The following CARNS1 variants were observed in gnomAD, a reference collection of about 807,000 sequenced individuals.
The protein encoded by CARNS1 is ATP-grasp domain containing 1.
A neutral mutation model predicts 74.0 loss-of-function variants in CARNS1; 61 were observed. That is an observed-to-expected ratio of 0.82 (90% CI 0.67 to 1.02). The LOEUF (loss-of-function observed/expected upper bound fraction) is 1.02. Ranked by LOEUF, CARNS1 falls within the 50% of genes least tolerant of loss-of-function variation. The pLI, the probability that CARNS1 is intolerant of heterozygous loss-of-function variation, is 0.00. For missense variants in CARNS1, 1,278 were observed against 1,308.4 expected (o/e 0.98, Z 0.36); for synonymous variants, 568 against 605.5 (o/e 0.94, Z 0.91).
chr11:67,416,347 C>G (rs1221600480), intron 2 of CARNS1, 145 bp downstream of exon 2: 1 of 1,470,644 alleles, frequency 6.8e-7, no homozygotes, highest in African/African-American at 1.4e-5. Context: ...CCCCCACCCC[C>G]ACCCTGCGGC....
At position 67,424,428 on chromosome 11, in the gene CARNS1, A is replaced by G; in HGVS notation, c.2680A>G (p.Asn894Asp). ...GCACGACCGTGGACTGCTACGCCTC[A>G]ATCTGCTGGAGGAGGCCCTGGTGCC... ...ALHDRGLLRL[N>D]LLEEALVPGE... The change falls in exon 10 of 10, where the codon AAT becomes GAT. Residue 894 changes from asparagine (N) to aspartate (D), a missense_variant. By Grantham distance (23) the Asn-to-Asp change is conservative (BLOSUM62 1). Around this residue, in one of 3 missense-constraint regions of CARNS1, gnomAD observed 1,164 missense variants for 1,156.5 expected, o/e 1.01. Coordinates refer to ENST00000687366, the MANE Select transcript of CARNS1 (RefSeq NM_001166222.2). 6.3e-7 allele frequency: 1 copy of G among 1,588,616 alleles called. No individual in the cohort carries two copies. The highest frequency in any genetic ancestry group is 1.3e-5 in the African/African-American group (1 of 74,462).
At chr11:67,416,284 G>C in intron 2 of CARNS1, 82 bp downstream of exon 2, 2 of 1,535,874 alleles carry the variant, frequency 1.3e-6, no homozygotes, top group South Asian at 1.2e-5. Context: ...GCAGCACCTA[G>C]GACCTAAGCC....
Position 67,418,823 on chromosome 11 carries a change from G to A in CARNS1, c.432G>A (p.Glu144=), listed in dbSNP as rs1226139195. The change falls in exon 5 of 10, where the codon GAG becomes GAA. Residue 144 remains glutamate (E), a synonymous_variant. Coordinates refer to ENST00000687366, the MANE Select transcript of CARNS1 (RefSeq NM_001166222.2). ...TGCCAGCACCCGGGCAGCCGGGTGA[G>A]GCAGCCCTGCTAGTCTCCAAGGCTG... ...MKVPAPGQPG[E]AALLVSKAVS... The A allele has an allele frequency of 2.5e-6, 4 of 1,601,066 alleles. No homozygotes were observed. The Admixed American group carries it at 6.9e-5, about 28-fold the overall frequency.
rs536908148 is a variant in CARNS1 at position 67,418,094 on chromosome 11, G to C, written c.275-337G>C. Among the ~76,000 whole-genome samples the C allele has an allele frequency of 1.3e-3, 198 of 152,308 alleles. 1 individual carries two copies. The highest frequency in any genetic ancestry group is 0.012 in the South Asian group (59 of 4,824). On this transcript the variant is annotated intron_variant, in intron 3 of 9. Coordinates refer to ENST00000687366, the MANE Select transcript of CARNS1 (RefSeq NM_001166222.2). ...GAGGGTTCACAGGCAGAATACCTGAGAATCACAGACTTGGTCCCATTGTAC... is the reference window on the plus strand; with the variant it reads ...GAGGGTTCACAGGCAGAATACCTGACAATCACAGACTTGGTCCCATTGTAC...
In CARNS1 at chr11:67,420,561, G is replaced by C. The variant is rs910791863; in HGVS notation, c.1114-48G>C. 8 of 1,154,934 alleles carry C rather than the reference G, an allele frequency of 6.9e-6. No individual in the cohort carries two copies. In the Admixed American group the frequency reaches 1.7e-4, roughly 24 times the overall value. 71.5% of individuals were successfully genotyped at this position (1,154,934 alleles called of 1,614,324 possible). A position where few individuals can be genotyped will look rare whatever the true frequency, so the allele number is the denominator to read the frequency against. On this transcript the variant is annotated intron_variant, in intron 7 of 9. Transcript: ENST00000687366. ...GGCACAAGGCGGTGGGGGTGTGCGTGGGGGGCAGGGAGTGTGTGGGCCTCC... is the reference window on the plus strand; with the variant it reads ...GGCACAAGGCGGTGGGGGTGTGCGTCGGGGGCAGGGAGTGTGTGGGCCTCC...
In CARNS1 at chr11:67,421,041, T is replaced by C; in HGVS notation, c.1448T>C (p.Leu483Pro). Reference sequence around the variant, plus strand: ...GAGGCGTGCGGCGCGCTGGAGGGGCTGTGGGCCGCGCCGCGGCTGGGGCCG... The same window carrying C: ...GAGGCGTGCGGCGCGCTGGAGGGGCCGTGGGCCGCGCCGCGGCTGGGGCCG... ...CLEACGALEG[L>P]WAAPRLGPAA... The change falls in exon 9 of 10, where the codon CTG becomes CCG. Residue 483 changes from leucine (L) to proline (P), a missense_variant. By Grantham distance (98) the Leu-to-Pro change is moderately conservative. Transcript: ENST00000687366. 3 of 1,360,654 alleles carry C rather than the reference T, an allele frequency of 2.2e-6. No individual in the cohort carries two copies. The highest frequency in any genetic ancestry group is 1.8e-5 in the South Asian group (1 of 56,338). 84.3% of individuals were successfully genotyped at this position (1,360,654 alleles called of 1,614,324 possible). A position where few individuals can be genotyped will look rare whatever the true frequency, so the allele number is the denominator to read the frequency against.
At position 67,424,401 on chromosome 11, in the gene CARNS1, C is replaced by A; in HGVS notation, c.2653C>A (p.Leu885Met). 1 of 1,591,238 alleles carries A rather than the reference C, an allele frequency of 6.3e-7. No homozygotes were observed. The highest frequency in any genetic ancestry group is 8.6e-7 in the Non-Finnish European group (1 of 1,169,138). Reference protein sequence around the residue: ...STASRETLQALHDRGLLRLNL... With the variant: ...STASRETLQAMHDRGLLRLNL... ...CGCCAGCCGTGAGACCCTGCAGGCC[C>A]TGCACGACCGTGGACTGCTACGCCT... Residue 885 changes from leucine (L) to methionine (M), a missense_variant, in exon 10 of 10, where the codon CTG (leucine) becomes ATG (methionine). Leu to Met is a conservative substitution (Grantham distance 15). Around this residue, in one of 3 missense-constraint regions of CARNS1, gnomAD observed 1,164 missense variants for 1,156.5 expected, o/e 1.01. Coordinates refer to ENST00000687366, the MANE Select transcript of CARNS1 (RefSeq NM_001166222.2).
At position 67,419,228 on chromosome 11, in the gene CARNS1, G is replaced by C; in HGVS notation, c.837G>C (p.Leu279=). The change falls in exon 5 of 10, where the codon CTG becomes CTC. Residue 279 remains leucine (L), a synonymous_variant. Transcript: ENST00000687366. The part of the protein sequence containing the change: ...EVEAFLRSEA[L]GDILQVAVKL... ...AGGCTTTTCTGCGCTCCGAGGCCCT[G>C]GGTGATATCCTGCAGGTAACAGACT... The C allele has an allele frequency of 6.7e-7, 1 of 1,484,098 alleles. No individual in the cohort carries two copies. The highest frequency in any genetic ancestry group is 9.0e-7 in the Non-Finnish European group (1 of 1,111,618). The allele number at this position is 1,484,098 out of a possible 1,614,324, so 91.9% of individuals were successfully genotyped here.
rs760699360 is a variant in CARNS1 at position 67,419,042 on chromosome 11, G to A, written c.651G>A (p.Arg217=). Residue 217 remains arginine (R), a synonymous_variant, in exon 5 of 10, where the codon AGG becomes AGA. Transcript: ENST00000687366. ...ARLLEDRLLT[R]QLLAQQGGVA... The stretch of plus-strand genomic sequence containing the variant: ...TGCTGGAGGACCGGCTGCTGACAAG[G>A]CAGTTGCTGGCCCAGCAGGGTGGTG... The A allele has an allele frequency of 4.5e-6, 7 of 1,557,004 alleles. No homozygotes were observed. The Admixed American group carries it at 5.8e-5, about 13-fold the overall frequency.
intron 2 of CARNS1, chr11:67,416,730 C>A: frequency 1.0e-6 from 1 of 986,348 alleles, no homozygotes; most frequent in Non-Finnish European, 1.2e-6. Flanking sequence ...TCACACGAAG[C>A]CTCCCAGCAG....
rs755672039 is a variant in CARNS1 at position 67,423,752 on chromosome 11, A to G, written c.2004A>G (p.Val668=). 25 of 1,586,486 alleles carry G rather than the reference A, an allele frequency of 1.6e-5. No homozygotes were observed. In the East Asian group the frequency reaches 5.7e-4, roughly 36 times the overall value. Residue 668 remains valine (V), a synonymous_variant, in exon 10 of 10, where the codon GTA becomes GTG. Coordinates refer to ENST00000687366, the MANE Select transcript of CARNS1 (RefSeq NM_001166222.2). This position sits in a 1 kb window ranked among gnomAD's most constrained non-coding sequence, Gnocchi z 5.1. ...EADVERAVHQ[V]PLPGVMKLEF... is the part of the protein sequence containing the mutation. ...ATGTGGAGAGGGCCGTGCACCAGGT[A>G]CCCCTGCCAGGTGTCATGAAGCTGG...
rs1033377520 is a variant in CARNS1, at chr11:67,417,327, G to C, written c.4-80G>C. The C allele has an allele frequency of 7.1e-6, 9 of 1,273,272 alleles. No individual in the cohort carries two copies. In the African/African-American group the frequency reaches 1.2e-4, roughly 17 times the overall value. The allele number at this position is 1,273,272 out of a possible 1,614,324, so 78.9% of individuals were successfully genotyped here. ...CCTGAACATAGCCCAGGCTGGGAGA[G>C]TGGGGGGCTTACACCCTTGGGTGAC... On this transcript the variant is annotated intron_variant, in intron 2 of 9. Transcript: ENST00000687366.
chr11:67,423,485 G>T lies in CARNS1; in HGVS notation c.1737G>T (p.Leu579=). The T allele has an allele frequency of 1.2e-6, 2 of 1,614,062 alleles. No homozygotes were observed. The highest frequency in any genetic ancestry group is 3.3e-4 in the Middle Eastern group (2 of 6,062). Residue 579 remains leucine (L), a synonymous_variant, in exon 10 of 10, where the codon CTG becomes CTT. Coordinates refer to ENST00000687366, the MANE Select transcript of CARNS1 (RefSeq NM_001166222.2). The surrounding 1 kb of genome is among the most constrained non-coding windows in gnomAD (Gnocchi z 5.1). The part of the protein sequence containing the change: ...HRRDEENARL[L]AELVRARGLK... ...GGGATGAGGAGAACGCACGGCTGCT[G>T]GCAGAGTTGGTGCGGGCTCGCGGCC...
chr11:67,421,368 GT>G, intron 9 of CARNS1, 149 bp downstream of exon 9: 1 of 946,820 alleles, frequency 1.1e-6, no homozygotes, highest in Non-Finnish European at 1.4e-6. Flanking sequence ...TCCTGGCCAG[GT>G]ACAAGTAAGC....
In CARNS1 at chr11:67,423,266, A is replaced by C; in HGVS notation, c.1627-109A>C. 9.6e-7 allele frequency: 1 copy of C among 1,045,610 alleles called. No homozygotes were observed. Among genetic ancestry groups the C allele is most frequent in the Non-Finnish European group, 1.4e-6 (1 of 711,626 alleles). 64.8% of individuals were successfully genotyped at this position (1,045,610 alleles called of 1,614,324 possible). A position where few individuals can be genotyped will look rare whatever the true frequency, so the allele number is the denominator to read the frequency against. On this transcript the variant is annotated intron_variant, in intron 9 of 9. Transcript: ENST00000687366. This position sits in a 1 kb window ranked among gnomAD's most constrained non-coding sequence, Gnocchi z 5.1. ...CACAACACACATTTATTGAGCACCT[A>C]GTGTTTGTGTACTCGTATCCCCTGA...
chr11:67,416,617 A>T, intron 2 of CARNS1: 1 of 1,021,048 alleles, frequency 9.8e-7, no homozygotes, highest in Non-Finnish European at 1.2e-6. Context: ...AGGTCCAAAG[A>T]GACCTCACGA....
chr11:67,423,317 TC>T lies in CARNS1; in HGVS notation c.1627-53del, dbSNP rs1309639930. On this transcript the variant is annotated intron_variant, in intron 9 of 9. Transcript: ENST00000687366. This position sits in a 1 kb window ranked among gnomAD's most constrained non-coding sequence, Gnocchi z 5.1. ...AGGGGCCATCCTAGGCCCCATCCTA[TC>T]CCCCTAGCACCCAGTACTAGCTGAC... 2.7e-5 allele frequency: 42 copies of T among 1,533,664 alleles called. No individual in the cohort carries two copies. The highest frequency in any genetic ancestry group is 3.6e-5 in the Non-Finnish European group (41 of 1,134,168).
In CARNS1 at chr11:67,420,939, G is replaced by A. The variant is rs1040027073; in HGVS notation, c.1346G>A (p.Gly449Asp). ...AGCTCGCGCCTCCCGCCCGGCGCAG[G>A]CGTGGATTTCGCGCTGACAGCGGCC... ...GGRRAHTDFLGVDFALTAAGG... is the reference protein window; with the variant it reads ...GGRRAHTDFLDVDFALTAAGG... Residue 449 changes from glycine to aspartate, a missense_variant and splice_region_variant, in exon 9 of 10, where the codon GGC (glycine) becomes GAC (aspartate). Transcript: ENST00000687366. 2 of 1,411,524 alleles carry A rather than the reference G, an allele frequency of 1.4e-6. No individual in the cohort carries two copies. Among genetic ancestry groups the A allele is most frequent in the Admixed American group, 2.9e-5 (1 of 34,706 alleles). The allele number at this position is 1,411,524 out of a possible 1,614,324, so 87.4% of individuals were successfully genotyped here. A position where few individuals can be genotyped will look rare whatever the true frequency, so the allele number is the denominator to read the frequency against.
Position 67,423,683 on chromosome 11 carries a change from C to A in CARNS1, c.1935C>A (p.Pro645=). The A allele has an allele frequency of 6.3e-7, 1 of 1,594,092 alleles. No individual in the cohort carries two copies. The highest frequency in any genetic ancestry group is 1.3e-5 in the African/African-American group (1 of 74,684). The change falls in exon 10 of 10, where the codon CCC becomes CCA. Residue 645 remains proline, a synonymous_variant. Coordinates refer to ENST00000687366, the MANE Select transcript of CARNS1 (RefSeq NM_001166222.2). The surrounding 1 kb of genome is among the most constrained non-coding windows in gnomAD (Gnocchi z 5.1). ...LHHHGPPWPA[P]SLHAVPCCPL... ...ACCATGGCCCACCCTGGCCTGCGCCCTCCCTCCATGCTGTGCCCTGCTGCC... is the reference window on the plus strand; with the variant it reads ...ACCATGGCCCACCCTGGCCTGCGCCATCCCTCCATGCTGTGCCCTGCTGCC...
Sources: allele counts gnomAD v4.1 joint callset (sites outside exome capture counted in the v4.1 genomes callset), GRCh38; gene constraint gnomAD v4.1.1; regional missense constraint gnomAD v4.1.1; non-coding constraint Gnocchi (gnomAD v3.1); transcripts MANE v1.5; gene names NCBI Gene and HGNC (gene_info 2026-07-23, HGNC 2026-07-21).